KANK1: variants seen among roughly 807,000 people sequenced by gnomAD.
The protein encoded by KANK1 is KN motif and ankyrin repeat domains 1.
In KANK1, 109 loss-of-function variants were observed where a neutral mutation model predicts 106.2. The observed-to-expected ratio is 1.03, with a 90% CI of 0.88 to 1.20. The LOEUF (loss-of-function observed/expected upper bound fraction) is 1.20. KANK1 is among the 50% of genes most tolerant of loss of function. KANK1 has a pLI of 0.00. For missense variants in KANK1, 2,399 were observed against 1,710.7 expected (o/e 1.40, Z -7.10); for synonymous variants, 873 against 652.2 (o/e 1.34, Z -5.16).
chr9:539,764 G>A (rs558544000), intron 1 of KANK1: 3 of 152,186 alleles, frequency 2.0e-5, no homozygotes, highest in Non-Finnish European at 4.4e-5. Flanking sequence ...TAGGATTACA[G>A]GTGTGAACCA....
chr9:659,077 C>T (rs1005609672), intron 1 of KANK1, among the ~76,000 whole-genome samples: 3 of 152,248 alleles, frequency 2.0e-5, no homozygotes, highest in Non-Finnish European at 4.4e-5. Context: ...ACATATAGTT[C>T]GTGCCTATAA....
chr9:674,897 G>A (rs903775528), intron 1 of KANK1, among the ~76,000 whole-genome samples: 2 of 151,936 alleles, frequency 1.3e-5, no homozygotes. Context: ...TAGAGAAGAG[G>A]TTTTGCCATG....
intron 1 of KANK1, among the ~76,000 whole-genome samples, chr9:565,315 C>A (rs1817539755): frequency 6.6e-6 from 1 of 152,114 alleles, no homozygotes; most frequent in Non-Finnish European, 1.5e-5. Context: ...GGAAAGTCAA[C>A]CCTAAAGAAT....
At chr9:583,164 A>C (rs1163186615) in intron 1 of KANK1, among the ~76,000 whole-genome samples, 1 of 152,222 alleles carries the variant, frequency 6.6e-6, no homozygotes, top group African/African-American at 2.4e-5. Flanking sequence ...ATTTTACTAC[A>C]AACACAGCTG....
chr9:723,738 C>T (rs978932564), intron 3 of KANK1, among the ~76,000 whole-genome samples: 1 of 152,038 alleles, frequency 6.6e-6, no homozygotes, highest in African/African-American at 2.4e-5. Flanking sequence ...AAAATAATAG[C>T]AACCAATGGA....
chr9:587,422 T>C (rs1359744366), intron 1 of KANK1, among the ~76,000 whole-genome samples: 1 of 152,126 alleles, frequency 6.6e-6, no homozygotes, highest in African/African-American at 2.4e-5. Context: ...GACTAGATAA[T>C]ACTAGGGAAA....
chr9:542,043 C>G (rs1349908491), intron 1 of KANK1, among the ~76,000 whole-genome samples: 2 of 151,426 alleles, frequency 1.3e-5, no homozygotes, highest in Non-Finnish European at 2.9e-5. Flanking sequence ...GAGCCGAGAT[C>G]GCGCCACTGC....
intron 1 of KANK1, among the ~76,000 whole-genome samples, chr9:599,481 C>G (rs1432951820): frequency 4.0e-5 from 6 of 151,770 alleles, no homozygotes; most frequent in Non-Finnish European, 8.8e-5. Context: ...AACATACTTT[C>G]TTACTGTGAA....
At chr9:542,163 G>GA (rs1391225834) in intron 1 of KANK1, among the ~76,000 whole-genome samples, 4 of 109,622 alleles carry the variant, frequency 3.6e-5, no homozygotes, top group African/African-American at 1.7e-4. Flanking sequence ...ACAGATACAT[G>GA]AAAAGTGCTC....
chr9:635,727 C>G (rs556720522), intron 1 of KANK1, among the ~76,000 whole-genome samples: 15 of 105,898 alleles, frequency 1.4e-4, no homozygotes, highest in Non-Finnish European at 1.9e-4. Flanking sequence ...GAGACGGAGT[C>G]TTACTCTGTT....
At chr9:732,911 CCTTAT>C (rs1416893183) in intron 6 of KANK1, 2 of 232,082 alleles carry the variant, frequency 8.6e-6, no homozygotes, top group Non-Finnish European at 1.7e-5. Flanking sequence ...GAACACCTTA[CCTTAT>C]ATTTAAAGAC....
chr9:734,796 T>C lies in KANK1; in HGVS notation c.3294T>C (p.Asn1098=). 2 of 1,613,862 alleles carry C rather than the reference T, an allele frequency of 1.2e-6. No homozygotes were observed. Among genetic ancestry groups the C allele is most frequent in the South Asian group, 1.1e-5 (1 of 91,070 alleles). ...TGTCTGCATGCAACTTACTGAAAAA[T>C]ACTATAAATGACCCCAAAGCTTTGA... ...KMLSACNLLK[N]TINDPKALTS... is the part of the protein sequence containing the mutation. Residue 1098 remains asparagine, a synonymous_variant, in exon 7 of 12, where the codon AAT becomes AAC. Coordinates refer to ENST00000382297, the MANE Select transcript of KANK1 (RefSeq NM_015158.5).
chr9:579,654 G>T (rs1327816934), intron 1 of KANK1, among the ~76,000 whole-genome samples: 1 of 152,176 alleles, frequency 6.6e-6, no homozygotes, highest in Non-Finnish European at 1.5e-5. Context: ...GGGGAGGTAG[G>T]TGGGTGCAGG....
intron 1 of KANK1, among the ~76,000 whole-genome samples, chr9:555,632 A>G (rs2061538553): frequency 6.6e-6 from 1 of 152,232 alleles, no homozygotes; most frequent in Non-Finnish European, 1.5e-5. Context: ...TAAAAGCGTA[A>G]GATTCCCATT....
intron 2 of KANK1, among the ~76,000 whole-genome samples, chr9:709,040 T>TG (rs1825146724): frequency 6.6e-6 from 1 of 152,210 alleles, no homozygotes; most frequent in South Asian, 2.1e-4. Context: ...CATGATCCAG[T>TG]GGTTGGAGTA....
Position 686,051 on chromosome 9 carries a change from CAAAG to C in KANK1, c.37+9044_37+9047del, listed in dbSNP as rs566676156. On this transcript the variant is annotated intron_variant, in intron 2 of 11. Coordinates refer to ENST00000382297, the MANE Select transcript of KANK1 (RefSeq NM_015158.5). ...GAAGAATATTCCAAACTGAAAACAT[CAAAG>C]AGAGAGATGGGGTATTTCCAGTAAC... is the stretch of plus-strand genomic sequence containing the variant. 2.6e-3 allele frequency among the ~76,000 whole-genome samples: 395 copies of C among 152,238 alleles called. 1 individual carries two copies. The highest frequency in any genetic ancestry group is 6.8e-3 in the Middle Eastern group (2 of 294).
intron 3 of KANK1, among the ~76,000 whole-genome samples, chr9:498,005 T>G (rs1380522550): frequency 6.6e-6 from 1 of 152,186 alleles, no homozygotes; most frequent in Admixed American, 6.5e-5. Flanking sequence ...ACTTGCTTCC[T>G]TGCTGCCATA....
intron 1 of KANK1, among the ~76,000 whole-genome samples, chr9:607,484 CAAAAAAAAAAA>C (rs760884670): frequency 1.6e-5 from 1 of 61,222 alleles, no homozygotes; most frequent in Non-Finnish European, 3.3e-5. Flanking sequence ...GACTCCATCT[CAAAAAAAAAAA>C]AAAAAAAAAA....
At chr9:596,141 C>T (rs565927611) in intron 1 of KANK1, among the ~76,000 whole-genome samples, 1 of 151,916 alleles carries the variant, frequency 6.6e-6, no homozygotes, top group Admixed American at 6.5e-5. Flanking sequence ...TTGGCTGTAA[C>T]CTGTCACATG....
Sources: allele counts gnomAD v4.1 joint callset (sites outside exome capture counted in the v4.1 genomes callset), GRCh38; gene constraint gnomAD v4.1.1; transcripts MANE v1.5; gene names NCBI Gene and HGNC (gene_info 2026-07-23, HGNC 2026-07-21).